The following GPC5 variants were observed in gnomAD, a reference collection of about 807,000 sequenced individuals.
GPC5 encodes the protein glypican 5.
Under a neutral mutation model 53.9 loss-of-function variants are expected in GPC5, and 47 were observed. That is an observed-to-expected ratio of 0.87 (90% CI 0.69 to 1.11). GPC5 has a LOEUF of 1.11. GPC5 is among the 50% of genes most tolerant of loss of function. The probability of loss-of-function intolerance (pLI) is 0.00; values close to 1 mark genes in which losing one functional copy is unlikely to be tolerated. For synonymous variants in GPC5, 286 were observed against 263.3 expected, an observed-to-expected ratio of 1.09 and a Z score of -0.84; for missense variants, 748 against 713.1, an observed-to-expected ratio of 1.05 and a Z score of -0.56.
At chr13:92,311,620 A>G (rs894721017) in intron 7 of GPC5, among the ~76,000 whole-genome samples, 3 of 152,194 alleles carry the variant, frequency 2.0e-5, no homozygotes, top group Admixed American at 6.5e-5. Flanking sequence ...CACGTCTTAC[A>G]TGGCAGCAGC....
chr13:92,141,364 C>T (rs1018846009), intron 6 of GPC5, among the ~76,000 whole-genome samples: 2 of 152,050 alleles, frequency 1.3e-5, no homozygotes, highest in African/African-American at 2.4e-5. Context: ...ATCTGAATCA[C>T]GCAATTATAT....
At chr13:91,558,978 T>C (rs1435277809) in intron 2 of GPC5, among the ~76,000 whole-genome samples, 1 of 152,150 alleles carries the variant, frequency 6.6e-6, no homozygotes, top group Non-Finnish European at 1.5e-5. Context: ...TTGTTCATAA[T>C]TCTTTATGGT....
intron 5 of GPC5, among the ~76,000 whole-genome samples, chr13:91,859,073 T>C (rs2138907455): frequency 6.6e-6 from 1 of 151,540 alleles, no homozygotes; most frequent in South Asian, 2.1e-4. Flanking sequence ...GTTAGTAGGT[T>C]TGGTTTATCT....
At chr13:91,871,339 C>T (rs1006661523) in intron 5 of GPC5, among the ~76,000 whole-genome samples, 1 of 151,978 alleles carries the variant, frequency 6.6e-6, no homozygotes, top group Non-Finnish European at 1.5e-5. Flanking sequence ...GAAACAGACA[C>T]CGGGGTCTAC....
At chr13:92,423,512 A>G (rs1409960662) in intron 7 of GPC5, among the ~76,000 whole-genome samples, 1 of 152,196 alleles carries the variant, frequency 6.6e-6, no homozygotes, top group Non-Finnish European at 1.5e-5. Context: ...AAGCAATTGG[A>G]AGAATGAAAT....
chr13:92,385,419 T>C (rs767664135), intron 7 of GPC5, among the ~76,000 whole-genome samples: 579 of 24,064 alleles, frequency 0.024, 17 homozygotes, highest in Non-Finnish European at 0.034. Context: ...CACATATATA[T>C]ACATATATAC....
At chr13:91,908,091 A>C (rs2039574580) in intron 6 of GPC5, 34 bp downstream of exon 6, 3 of 1,383,514 alleles carry the variant, frequency 2.2e-6, no homozygotes, top group Non-Finnish European at 2.8e-6. Context: ...TAGTATACTC[A>C]GTCATAAATA....
At chr13:92,206,558 A>G (rs536045525) in intron 7 of GPC5, among the ~76,000 whole-genome samples, 3 of 152,144 alleles carry the variant, frequency 2.0e-5, no homozygotes, top group African/African-American at 7.2e-5. Flanking sequence ...CTTATGCAGA[A>G]CTATAGAACC....
At chr13:92,862,626 C>CAGATCGATAGAT (rs1879218282) in intron 7 of GPC5, among the ~76,000 whole-genome samples, 1 of 129,656 alleles carries the variant, frequency 7.7e-6, no homozygotes, top group Non-Finnish European at 1.7e-5. Flanking sequence ...GATAGATAGA[C>CAGATCGATAGAT]AGATAGATAG....
At chr13:91,431,400 T>A (rs1879436850) in intron 1 of GPC5, among the ~76,000 whole-genome samples, 1 of 152,226 alleles carries the variant, frequency 6.6e-6, no homozygotes, top group African/African-American at 2.4e-5. Flanking sequence ...TGTCTTCTCC[T>A]ACTACCTTCT....
At chr13:92,826,663 A>G (rs1489364274) in intron 7 of GPC5, among the ~76,000 whole-genome samples, 1 of 152,188 alleles carries the variant, frequency 6.6e-6, no homozygotes, top group Admixed American at 6.6e-5. Context: ...CATTAGGTAC[A>G]TGTATACTTA....
rs2042422673 is a variant in GPC5 at position 92,217,923 on chromosome 13, T to TG, written c.1561+72934_1561+72935insG. Among the ~76,000 whole-genome samples the TG allele has an allele frequency of 2.1e-5, 3 of 143,914 alleles. No homozygotes were observed. In the South Asian group the frequency reaches 6.8e-4, roughly 33 times the overall value. 94.4% of individuals were successfully genotyped at this position (143,914 alleles called of 152,430 possible). A position where few individuals can be genotyped will look rare whatever the true frequency, so the allele number is the denominator to read the frequency against. ...GGTATTATTTCTACTTTTTTTTTTT[T>TG]TTTTTTTTTTTTTAGGCAGGGTCAC... On this transcript the variant is annotated intron_variant, in intron 7 of 7. Transcript: ENST00000377067.
At chr13:92,169,499 T>C (rs1406098804) in intron 7 of GPC5, among the ~76,000 whole-genome samples, 1 of 152,220 alleles carries the variant, frequency 6.6e-6, no homozygotes, top group Non-Finnish European at 1.5e-5. Context: ...GTGTTATAAT[T>C]ACTAAAATAT....
chr13:91,410,500 C>T (rs1293810408), intron 1 of GPC5, among the ~76,000 whole-genome samples: 5 of 134,512 alleles, frequency 3.7e-5, no homozygotes, highest in Non-Finnish European at 8.4e-5. Context: ...CACCCGCCAC[C>T]ACACCTGGCT....
At chr13:91,942,498 C>T (rs76142669) in intron 6 of GPC5, among the ~76,000 whole-genome samples, 1 of 152,010 alleles carries the variant, frequency 6.6e-6, no homozygotes, top group Non-Finnish European at 1.5e-5. Context: ...CTGACTGAAT[C>T]AATCAAAAAG....
intron 7 of GPC5, among the ~76,000 whole-genome samples, chr13:92,799,041 C>G (rs2138784731): frequency 6.6e-6 from 1 of 151,768 alleles, no homozygotes; most frequent in African/African-American, 2.4e-5. Flanking sequence ...TCTTAGCAAT[C>G]TGTTTGAATA....
chr13:91,442,920 T>C (rs1880537265), intron 1 of GPC5, among the ~76,000 whole-genome samples: 1 of 152,238 alleles, frequency 6.6e-6, no homozygotes, highest in African/African-American at 2.4e-5. Flanking sequence ...GATTATTTAC[T>C]GGTACAGTTC....
At chr13:92,433,438 A>T (rs569079988) in intron 7 of GPC5, among the ~76,000 whole-genome samples, 40 of 152,292 alleles carry the variant, frequency 2.6e-4, no homozygotes, top group African/African-American at 9.4e-4. Context: ...TGGGAATATT[A>T]TAGTGCATCA....
intron 2 of GPC5, among the ~76,000 whole-genome samples, chr13:91,623,393 T>C (rs2033914972): frequency 6.6e-6 from 1 of 151,982 alleles, no homozygotes; most frequent in South Asian, 2.1e-4. Context: ...GAGACCATGG[T>C]GCAACACACC....
Sources: allele counts gnomAD v4.1 joint callset (sites outside exome capture counted in the v4.1 genomes callset), GRCh38; gene constraint gnomAD v4.1.1; transcripts MANE v1.5; gene names NCBI Gene and HGNC (gene_info 2026-07-23, HGNC 2026-07-21).